TECPR2: variants seen among roughly 807,000 people sequenced by gnomAD.
TECPR2 encodes tectonin beta-propeller repeat-containing protein 2.
A neutral mutation model predicts 138.1 loss-of-function variants in TECPR2; 65 were observed. The observed-to-expected ratio is 0.47, with a 90% confidence interval of 0.39 to 0.58. The LOEUF (loss-of-function observed/expected upper bound fraction) is 0.58. Ranked by LOEUF, TECPR2 falls within the 20% of genes least tolerant of loss-of-function variation. TECPR2 has a pLI of 0.00. For synonymous variants in TECPR2, 746 were observed against 749.8 expected (o/e 0.99, Z 0.08); for missense variants, 1,553 against 1,824.5 (o/e 0.85, Z 2.71).
At chr14:102,385,641 G>T (rs1379999923) in intron 2 of TECPR2, among the ~76,000 whole-genome samples, 1 of 152,066 alleles carries the variant, frequency 6.6e-6, no homozygotes, top group Non-Finnish European at 1.5e-5. Context: ...CCCATGTAAA[G>T]ATTTTAGCTA....
intron 8 of TECPR2, among the ~76,000 whole-genome samples, chr14:102,433,179 TTTTC>T (rs1467186256): frequency 6.6e-6 from 1 of 152,056 alleles, no homozygotes; most frequent in Non-Finnish European, 1.5e-5. Context: ...CATTGAATTT[TTTTC>T]TTTTTTTTTT....
At chr14:102,453,025 CT>C (rs1364801958) in intron 16 of TECPR2, among the ~76,000 whole-genome samples, 1 of 152,226 alleles carries the variant, frequency 6.6e-6, no homozygotes, top group Non-Finnish European at 1.5e-5. Flanking sequence ...CCACGTTTGT[CT>C]ATCTCCTCAG....
chr14:102,473,293 C>T (rs926045360), intron 17 of TECPR2, among the ~76,000 whole-genome samples: 2 of 152,142 alleles, frequency 1.3e-5, no homozygotes, highest in Non-Finnish European at 2.9e-5. Context: ...CCTACACATG[C>T]GAATCTTTAA....
chr14:102,426,371 G>A (rs1889321863), intron 6 of TECPR2, among the ~76,000 whole-genome samples: 1 of 152,118 alleles, frequency 6.6e-6, no homozygotes, highest in Non-Finnish European at 1.5e-5. Context: ...TTTAGTTTCA[G>A]TTTCTCCTTG....
In TECPR2 at chr14:102,474,977, G is replaced by A. The variant is rs149008033; in HGVS notation, c.3789+9688G>A. 3.9e-4 allele frequency among the ~76,000 whole-genome samples: 59 copies of A among 152,332 alleles called. 1 individual carries two copies. In the East Asian group the frequency reaches 0.011, roughly 28 times the overall value. ...CCTGGTCTCAGGGTAGTCAGTGGTTGTGCCGGGCCTCCTCAGCCCCTCATC... is the reference window on the plus strand; with the variant it reads ...CCTGGTCTCAGGGTAGTCAGTGGTTATGCCGGGCCTCCTCAGCCCCTCATC... On this transcript the variant is annotated intron_variant, in intron 17 of 19. Transcript: ENST00000359520.
At chr14:102,432,299 A>ACG (rs1491146891) in intron 8 of TECPR2, among the ~76,000 whole-genome samples, 171 bp downstream of exon 8, 3 of 72,796 alleles carry the variant, frequency 4.1e-5, no homozygotes, top group Middle Eastern at 9.4e-3. Context: ...AACGGAAAAT[A>ACG]CACACACACA....
At position 102,434,363 on chromosome 14, in the gene TECPR2, G is replaced by C; in HGVS notation, c.1546G>C (p.Val516Leu). 6.6e-7 allele frequency: 1 copy of C among 1,520,150 alleles called. No individual in the cohort carries two copies. Among genetic ancestry groups the C allele is most frequent in the South Asian group, 1.4e-5 (1 of 74,010 alleles). The allele number at this position is 1,520,150 out of a possible 1,614,324, so 94.2% of individuals were successfully genotyped here. A position where few individuals can be genotyped will look rare whatever the true frequency, so the allele number is the denominator to read the frequency against. Reference protein sequence around the residue: ...SMTSSVLGSSVDQLSAESPDQ... With the variant: ...SMTSSVLGSSLDQLSAESPDQ... ...GACCTCAAGTGTCCTGGGCAGTAGC[G>C]TGGATCAGTTAAGTGCAGAGTCTCC... Residue 516 changes from valine (V) to leucine (L), a missense_variant, in exon 9 of 20, where the codon GTG becomes CTG. By Grantham distance (32) the Val-to-Leu change is conservative. Coordinates refer to ENST00000359520, the MANE Select transcript of TECPR2 (RefSeq NM_014844.5).
At position 102,499,869 on chromosome 14, in the gene TECPR2, A is replaced by G. The variant is rs1343817697; in HGVS notation, c.*1612A>G. The G allele has an allele frequency of 6.5e-6, 1 of 153,104 alleles. No individual in the cohort carries two copies. Among genetic ancestry groups the G allele is most frequent in the East Asian group, 1.9e-4 (1 of 5,200 alleles). 9.5% of individuals were successfully genotyped at this position (153,104 alleles called of 1,614,324 possible). Reference sequence around the variant, plus strand: ...CCAGCCACATAGGTGGAGGTTTTCCATGTCCAAATGAGGTCAAGATGCCGA... The same window carrying G: ...CCAGCCACATAGGTGGAGGTTTTCCGTGTCCAAATGAGGTCAAGATGCCGA... On this transcript the variant is annotated 3_prime_UTR_variant, in exon 20 of 20. Transcript: ENST00000359520.
chr14:102,372,368 C>A (rs970771611), intron 1 of TECPR2, among the ~76,000 whole-genome samples: 1 of 152,030 alleles, frequency 6.6e-6, no homozygotes, highest in Non-Finnish European at 1.5e-5. Context: ...TGGGTTCAAG[C>A]GATTCTCCTG....
chr14:102,499,274 C>T lies in TECPR2; in HGVS notation c.*1017C>T, dbSNP rs1197751002. The T allele has an allele frequency of 1.5e-6, 1 of 647,798 alleles. No individual in the cohort carries two copies. Among genetic ancestry groups the T allele is most frequent in the Non-Finnish European group, 2.8e-6 (1 of 352,408 alleles). 40.1% of individuals were successfully genotyped at this position (647,798 alleles called of 1,614,324 possible). On this transcript the variant is annotated 3_prime_UTR_variant, in exon 20 of 20. Coordinates refer to ENST00000359520, the MANE Select transcript of TECPR2 (RefSeq NM_014844.5). The stretch of plus-strand genomic sequence containing the variant: ...TTAACTAATGCTGCTGGCGGACATC[C>T]TAAAACCAGATGCATCCTCAGAGGA...
In TECPR2 at chr14:102,450,675, G is replaced by T. The variant is rs144355367; in HGVS notation, c.3406+26G>T. On this transcript the variant is annotated intron_variant, in intron 15 of 19. Coordinates refer to ENST00000359520, the MANE Select transcript of TECPR2 (RefSeq NM_014844.5). ...GTGGGTCAGTCTTAGCCTCACTGAA[G>T]AATCTAGAGCACAGCTTGGCCATTG... 1,051 of 1,610,724 alleles carry T rather than the reference G, an allele frequency of 6.5e-4. 2 individuals carry two copies. The highest frequency in any genetic ancestry group is 2.6e-3 in the Middle Eastern group (16 of 6,052).
chr14:102,379,681 T>C (rs79184156), intron 2 of TECPR2, among the ~76,000 whole-genome samples: 1,606 of 40,888 alleles, frequency 0.039, 17 homozygotes, highest in Middle Eastern at 0.068. Flanking sequence ...CAGAGGCATC[T>C]TAGTCACACT....
intron 17 of TECPR2, among the ~76,000 whole-genome samples, chr14:102,489,968 A>T (rs539375052): frequency 1.1e-3 from 165 of 152,160 alleles, no homozygotes; most frequent in Non-Finnish European, 2.1e-3. Context: ...AGGCACTTAC[A>T]TCAGTGCCTC....
At chr14:102,450,508 T>C in intron 14 of TECPR2, 52 bp from the exon 15 acceptor site, 1 of 1,584,644 alleles carries the variant, frequency 6.3e-7, no homozygotes, top group Non-Finnish European at 8.7e-7. Flanking sequence ...TCTGAAGTGG[T>C]TTTGTCTATG....
chr14:102,490,187 A>T (rs1891124217), intron 17 of TECPR2, among the ~76,000 whole-genome samples: 1 of 152,210 alleles, frequency 6.6e-6, no homozygotes. Context: ...CCCTGCTCCC[A>T]AGATCCTGTG....
intron 9 of TECPR2, among the ~76,000 whole-genome samples, chr14:102,437,593 A>T (rs1889703101): frequency 6.6e-6 from 1 of 152,176 alleles, no homozygotes; most frequent in Non-Finnish European, 1.5e-5. Context: ...GAAAAAAGAA[A>T]GACAGTGGTA....
At chr14:102,363,189 G>C (rs1290412577) in intron 1 of TECPR2, 73 bp downstream of exon 1, 3 of 288,818 alleles carry the variant, frequency 1.0e-5, no homozygotes, top group African/African-American at 2.3e-5. Context: ...GCCCCTCCTC[G>C]GCCTCCCCCG....
intron 2 of TECPR2, among the ~76,000 whole-genome samples, chr14:102,387,022 G>A (rs1161027215): frequency 6.6e-6 from 1 of 152,194 alleles, no homozygotes; most frequent in Non-Finnish European, 1.5e-5. Context: ...CAGATGCGTG[G>A]TCTCTTTGGA....
rs115047252 is a variant in TECPR2, at chr14:102,491,040, G to T, written c.3790-5939G>T. Among the ~76,000 whole-genome samples the T allele has an allele frequency of 2.9e-3, 434 of 152,034 alleles. 2 individuals carry two copies. Among genetic ancestry groups the T allele is most frequent in the African/African-American group, 9.9e-3 (412 of 41,456 alleles). ...CTCCCAAGTTGGTGGAATTACAGGCGCATGCCACCATGCCCGATTAATTTT... is the reference window on the plus strand; with the variant it reads ...CTCCCAAGTTGGTGGAATTACAGGCTCATGCCACCATGCCCGATTAATTTT... On this transcript the variant is annotated intron_variant, in intron 17 of 19. Coordinates refer to ENST00000359520, the MANE Select transcript of TECPR2 (RefSeq NM_014844.5).
Sources: allele counts gnomAD v4.1 joint callset (sites outside exome capture counted in the v4.1 genomes callset), GRCh38; gene constraint gnomAD v4.1.1; transcripts MANE v1.5; gene names NCBI Gene and HGNC (gene_info 2026-07-23, HGNC 2026-07-21).